The following PRX variants were observed in gnomAD, a reference collection of about 807,000 sequenced individuals.
The protein encoded by PRX is periaxin.
PRX carries 24 observed loss-of-function variants against 29.6 expected under a neutral mutation model. The observed-to-expected ratio is 0.81, with a 90% CI of 0.59 to 1.14. The LOEUF is 1.14. Ranked by LOEUF, PRX falls within the 50% of genes most tolerant of loss-of-function variation. The pLI is 0.00. For missense variants in PRX, 1,838 were observed against 1,926.4 expected (o/e 0.95, Z 0.86); for synonymous variants, 772 against 831.7 (o/e 0.93, Z 1.24).
rs1438652902 is a variant in PRX, at chr19:40,396,413, T to C, written c.1939A>G (p.Met647Val). Residue 647 changes from methionine to valine, a missense_variant, in exon 7 of 7, where the codon ATG (methionine) becomes GTG (valine). By Grantham distance (21) the Met-to-Val change is conservative. Transcript: ENST00000324001. ...GGGAGGTGCACATCGGGCACAGCCA[T>C]CTCGGGCACCTTCGGGAGTTTCACC... ...PEVKLPKVPE[M>V]AVPDVHLPEV... 6.2e-7 allele frequency: 1 copy of C among 1,613,294 alleles called. No homozygotes were observed. Among genetic ancestry groups the C allele is most frequent in the Admixed American group, 1.7e-5 (1 of 59,902 alleles).
In PRX at chr19:40,395,483, G is replaced by C. The variant is rs780382855; in HGVS notation, c.2869C>G (p.Leu957Val). The change falls in exon 7 of 7, where the codon CTG becomes GTG. Residue 957 changes from leucine (L) to valine (V), a missense_variant. Physicochemically the swap from Leu to Val is conservative, Grantham distance 32 (BLOSUM62 1). Around this residue, in one of 3 missense-constraint regions of PRX, gnomAD observed 1,143 missense variants for 1,193.0 expected, o/e 0.96. Coordinates refer to ENST00000324001, the MANE Select transcript of PRX (RefSeq NM_181882.3). The part of the protein sequence containing the change: ...EAEGAGRATK[L>V]KVSKFAISLP... ...GAGATGGCAAATTTGGATACCTTCA[G>C]CTTGGTAGCTCGCCCAGCCCCCTCA... 8 of 1,613,914 alleles carry C rather than the reference G, an allele frequency of 5.0e-6. No individual in the cohort carries two copies. The highest frequency in any genetic ancestry group is 6.8e-6 in the Non-Finnish European group (8 of 1,179,984).
chr19:40,398,188 G>C lies in PRX; in HGVS notation c.382-218C>G, dbSNP rs1317463478. The stretch of plus-strand genomic sequence containing the variant: ...TCCAAATGAGTCAACAGGAGTGTAG[G>C]GACGGGGACCCAAGACTTCTAGATC... On this transcript the variant is annotated intron_variant, in intron 6 of 6. Coordinates refer to ENST00000324001, the MANE Select transcript of PRX (RefSeq NM_181882.3). The surrounding 1 kb of genome is among the most constrained non-coding windows in gnomAD (Gnocchi z 6.3). The C allele has an allele frequency of 7.0e-6, 10 of 1,421,632 alleles. No individual in the cohort carries two copies. Among genetic ancestry groups the C allele is most frequent in the African/African-American group, 1.4e-5 (1 of 69,388 alleles). 88.1% of individuals were successfully genotyped at this position (1,421,632 alleles called of 1,614,324 possible).
Position 40,408,221 on chromosome 19 carries a change from T to G in PRX, c.-163A>C. 1.8e-6 allele frequency: 1 copy of G among 563,742 alleles called. No individual in the cohort carries two copies. The highest frequency in any genetic ancestry group is 2.1e-5 in the South Asian group (1 of 48,570). 34.9% of individuals were successfully genotyped at this position (563,742 alleles called of 1,614,324 possible). A position where few individuals can be genotyped will look rare whatever the true frequency, so the allele number is the denominator to read the frequency against. On this transcript the variant is annotated 5_prime_UTR_variant, in exon 3 of 7. Transcript: ENST00000324001. Reference sequence around the variant, plus strand: ...CAGCCCGAGGTGCCGCACAGCTGTCTGCAGGGCTCACGCCCTTCCGTGGGG... The same window carrying G: ...CAGCCCGAGGTGCCGCACAGCTGTCGGCAGGGCTCACGCCCTTCCGTGGGG...
chr19:40,407,746 C>T (rs986689104), intron 4 of PRX, 160 bp downstream of exon 4: 2 of 983,886 alleles, frequency 2.0e-6, no homozygotes, highest in Non-Finnish European at 3.1e-6. Flanking sequence ...TGTTAATTTT[C>T]TTCTCCTCAC....
At chr19:40,408,520 A>G in intron 1 of PRX, 137 bp from the exon 2 acceptor site, 1 of 162,210 alleles carries the variant, frequency 6.2e-6, no homozygotes, top group South Asian at 1.7e-4. Context: ...ACCTTTACCC[A>G]GGATGACTCA....
Position 40,400,581 on chromosome 19 carries a change from A to G in PRX, c.185-1765T>C, listed in dbSNP as rs182193466. Among the ~76,000 whole-genome samples, 18 of 138,218 alleles carry G rather than the reference A, an allele frequency of 1.3e-4. No individual in the cohort carries two copies. In the East Asian group the frequency reaches 3.6e-3, roughly 27 times the overall value. The allele number at this position is 138,218 out of a possible 152,430, so 90.7% of individuals were successfully genotyped here. On this transcript the variant is annotated intron_variant, in intron 5 of 6. Coordinates refer to ENST00000324001, the MANE Select transcript of PRX (RefSeq NM_181882.3). ...CACTCCAGCCTGGGCAACAAGAGCG[A>G]AATTCCATCTCAAAAAAAAAAAAAA... is the stretch of plus-strand genomic sequence containing the variant.
At position 40,397,189 on chromosome 19, in the gene PRX, C is replaced by A; in HGVS notation, c.1163G>T (p.Gly388Val). The change falls in exon 7 of 7, where the codon GGT becomes GTT. Residue 388 changes from glycine (G) to valine (V), a missense_variant. Around this residue, in one of 3 missense-constraint regions of PRX, gnomAD observed 666 missense variants for 665.0 expected, o/e 1.00. Transcript: ENST00000324001. Reference protein sequence around the residue: ...AKVSPEARVKGPRLRMPTFGL... With the variant: ...AKVSPEARVKVPRLRMPTFGL... ...AAAGGTGGGCATTCGAAGTCTGGGA[C>A]CTTTCACCCTGGCCTCAGGGCTGAC... The A allele has an allele frequency of 1.2e-6, 2 of 1,613,966 alleles. No homozygotes were observed. Among genetic ancestry groups the A allele is most frequent in the Non-Finnish European group, 1.7e-6 (2 of 1,180,018 alleles).
In PRX at chr19:40,397,779, A is replaced by T. The variant is rs921293986; in HGVS notation, c.573T>A (p.Pro191=). 15 of 1,570,946 alleles carry T rather than the reference A, an allele frequency of 9.5e-6. No homozygotes were observed. In the African/African-American group the frequency reaches 2.0e-4, roughly 21 times the overall value. Residue 191 remains proline, a synonymous_variant, in exon 7 of 7, where the codon CCT becomes CCA. Coordinates refer to ENST00000324001, the MANE Select transcript of PRX (RefSeq NM_181882.3). ...CGGCCACTTCTCGTACACGCAGCCG[A>T]GGCAGCTGGAGGCGCCGGCGGGCAG... The part of the protein sequence containing the change: ...AAPARRRLQL[P]RLRVREVAEE...
intron 5 of PRX, among the ~76,000 whole-genome samples, chr19:40,400,592 CAAAAAAAAAAAAAAAAA>C (rs71171569): frequency 2.2e-5 from 1 of 44,818 alleles, no homozygotes; most frequent in African/African-American, 9.9e-5. Flanking sequence ...AATTCCATCT[CAAAAAAAAAAAAAAAAA>C]AAAAAAAAAG....
chr19:40,409,990 C>T (rs2079551148), intron 1 of PRX, among the ~76,000 whole-genome samples: 1 of 152,132 alleles, frequency 6.6e-6, no homozygotes, highest in Non-Finnish European at 1.5e-5. Context: ...AGCCCTTTAT[C>T]TGGGTAGTAA....
In PRX at chr19:40,394,507, G is replaced by A. The variant is rs753530396; in HGVS notation, c.3845C>T (p.Ser1282Leu). ...FCLSLPDVEL[S>L]PSGGNHAEYQ... ...CTCGGCATGGTTGCCCCCGGATGGCGAGAGCTCCACGTCGGGCAGTGAGAG... is the reference window on the plus strand; with the variant it reads ...CTCGGCATGGTTGCCCCCGGATGGCAAGAGCTCCACGTCGGGCAGTGAGAG... Residue 1282 changes from serine (S) to leucine (L), a missense_variant, in exon 7 of 7, where the codon TCG (serine) becomes TTG (leucine). This residue lies in a region of PRX where 1,143 missense variants were observed against 1,193.0 expected (regional missense o/e 0.96). Coordinates refer to ENST00000324001, the MANE Select transcript of PRX (RefSeq NM_181882.3). The surrounding 1 kb of genome is among the most constrained non-coding windows in gnomAD (Gnocchi z 5.8). 3.8e-5 allele frequency: 61 copies of A among 1,599,920 alleles called. No individual in the cohort carries two copies. Among genetic ancestry groups the A allele is most frequent in the African/African-American group, 5.4e-5 (4 of 74,516 alleles).
Position 40,398,171 on chromosome 19 carries a change from A to C in PRX, c.382-201T>G, listed in dbSNP as rs2079461022. On this transcript the variant is annotated intron_variant, in intron 6 of 6. Transcript: ENST00000324001. This position sits in a 1 kb window ranked among gnomAD's most constrained non-coding sequence, Gnocchi z 6.3. ...GGCAGCCATCTAGGATCTCCAAATG[A>C]GTCAACAGGAGTGTAGGGACGGGGA... The C allele has an allele frequency of 7.0e-7, 1 of 1,428,012 alleles. No homozygotes were observed. The highest frequency in any genetic ancestry group is 9.1e-7 in the Non-Finnish European group (1 of 1,095,992). 88.5% of individuals were successfully genotyped at this position (1,428,012 alleles called of 1,614,324 possible). A position where few individuals can be genotyped will look rare whatever the true frequency, so the allele number is the denominator to read the frequency against.
rs201044009 is a variant in PRX at position 40,397,019 on chromosome 19, G to C, written c.1333C>G (p.Pro445Ala). 7.4e-6 allele frequency: 12 copies of C among 1,614,154 alleles called. No individual in the cohort carries two copies. Among genetic ancestry groups the C allele is most frequent in the Non-Finnish European group, 9.3e-6 (11 of 1,180,042 alleles). ...KVPKGPEVKL[P>A]KAPEVKLPKV... ...GGAAGCTTGACCTCAGGAGCCTTGG[G>C]GAGCTTCACTTCAGGTCCCTTGGGC... The change falls in exon 7 of 7, where the codon CCC becomes GCC. Residue 445 changes from proline (P) to alanine (A), a missense_variant. This residue lies in a region of PRX where 666 missense variants were observed against 665.0 expected (regional missense o/e 1.00). Transcript: ENST00000324001.
In PRX at chr19:40,396,372, C is replaced by T. The variant is rs777413169; in HGVS notation, c.1980G>A (p.Pro660=). Residue 660 remains proline (P), a synonymous_variant, in exon 7 of 7, where the codon CCG becomes CCA. Transcript: ENST00000324001. The stretch of plus-strand genomic sequence containing the variant: ...TAGGGAGTTTCATCTCTGGGACTTT[C>T]GGGAGCTGCACTTCCGGGAGGTGCA... ...PDVHLPEVQL[P]KVPEMKLPKM... The T allele has an allele frequency of 9.3e-6, 15 of 1,611,614 alleles. No homozygotes were observed. The highest frequency in any genetic ancestry group is 3.3e-5 in the Admixed American group (2 of 59,750).
chr19:40,402,180 G>C (rs1397127809), intron 5 of PRX, among the ~76,000 whole-genome samples: 1 of 151,442 alleles, frequency 6.6e-6, no homozygotes, highest in African/African-American at 2.4e-5. Context: ...GTGAAACCCC[G>C]TCTCTACTAA....
Position 40,397,403 on chromosome 19 carries a change from C to A in PRX, c.949G>T (p.Gly317Trp). ...PTLPCLETRE[G>W]AVSVVVPTLD... Reference sequence around the variant, plus strand: ...GTGGGCACCACTACCGACACAGCCCCTTCCCGGGTCTCTAGGCAGGGAAGT... The same window carrying A: ...GTGGGCACCACTACCGACACAGCCCATTCCCGGGTCTCTAGGCAGGGAAGT... Residue 317 changes from glycine to tryptophan, a missense_variant, in exon 7 of 7, where the codon GGG becomes TGG. Around this residue, in one of 3 missense-constraint regions of PRX, gnomAD observed 666 missense variants for 665.0 expected, o/e 1.00. Transcript: ENST00000324001. 1 of 1,611,122 alleles carries A rather than the reference C, an allele frequency of 6.2e-7. No individual in the cohort carries two copies.
intron 5 of PRX, among the ~76,000 whole-genome samples, chr19:40,402,239 A>G (rs1392924368): frequency 1.3e-5 from 2 of 151,324 alleles, no homozygotes; most frequent in Admixed American, 1.3e-4. Flanking sequence ...CTGTAGTCCC[A>G]GTTACTAGGG....
rs747841904 is a variant in PRX at position 40,398,022 on chromosome 19, G to GT, written c.382-53dup. 6.4e-7 allele frequency: 1 copy of GT among 1,566,592 alleles called. No individual in the cohort carries two copies. The highest frequency in any genetic ancestry group is 8.7e-7 in the Non-Finnish European group (1 of 1,155,552). Reference sequence around the variant, plus strand: ...GCGGTGGGACAGTGGGAGGCTGGGAGTGGACAGGAAGAGCCCCACCTGGTA... The same window carrying GT: ...GCGGTGGGACAGTGGGAGGCTGGGAGTTGGACAGGAAGAGCCCCACCTGGTA... On this transcript the variant is annotated intron_variant, in intron 6 of 6. Coordinates refer to ENST00000324001, the MANE Select transcript of PRX (RefSeq NM_181882.3). This position sits in a 1 kb window ranked among gnomAD's most constrained non-coding sequence, Gnocchi z 6.3.
Position 40,396,515 on chromosome 19 carries a change from C to G in PRX, c.1837G>C (p.Val613Leu), listed in dbSNP as rs773222045. The change falls in exon 7 of 7, where the codon GTG becomes CTG. Residue 613 changes from valine to leucine, a missense_variant. Val to Leu is a conservative substitution (Grantham distance 32). Transcript: ENST00000324001. ...ACTTCTGGGAGGTGCACATCGGGCA[C>G]GGCCATCTCGGGCACCTTCGGGAGT... ...VQLPKVPEMAVPDVHLPEVQL... is the reference protein window; with the variant it reads ...VQLPKVPEMALPDVHLPEVQL... The G allele has an allele frequency of 1.9e-6, 3 of 1,613,902 alleles. No homozygotes were observed. The highest frequency in any genetic ancestry group is 2.5e-6 in the Non-Finnish European group (3 of 1,180,006).
Sources: gnomAD v4.1 joint callset for allele counts (sites outside exome capture counted in the v4.1 genomes callset) on GRCh38, gnomAD v4.1.1 for gene constraint, gnomAD v4.1.1 regional missense constraint, Gnocchi (gnomAD v3.1) non-coding constraint, MANE v1.5 for transcripts, NCBI Gene and HGNC (gene_info 2026-07-23, HGNC 2026-07-21) for gene names.